The following HPGDS variants were observed in gnomAD, a reference collection of about 807,000 sequenced individuals.
HPGDS encodes the protein hematopoietic prostaglandin D synthase.
In HPGDS, 26 loss-of-function variants were observed where a neutral mutation model predicts 23.1. That is an observed-to-expected ratio of 1.13 (90% CI 0.83 to 1.56). The LOEUF is 1.56. HPGDS is among the 40% of genes most tolerant of loss of function. HPGDS has a pLI of 0.00. For missense variants in HPGDS, 268 were observed against 236.4 expected (o/e 1.13, Z -0.88); for synonymous variants, 95 against 77.9 (o/e 1.22, Z -1.16).
At chr4:94,320,606 GTTGT>G (rs1337144385) in intron 2 of HPGDS, among the ~76,000 whole-genome samples, 2 of 152,090 alleles carry the variant, frequency 1.3e-5, no homozygotes, top group African/African-American at 4.8e-5. Flanking sequence ...TTTTGATGGG[GTTGT>G]TTGATTTTTT....
At chr4:94,314,873 C>A (rs1382725887) in intron 3 of HPGDS, among the ~76,000 whole-genome samples, 1 of 152,212 alleles carries the variant, frequency 6.6e-6, no homozygotes, top group East Asian at 1.9e-4. Flanking sequence ...TGCCGCCTTG[C>A]AGTTTGATCT....
At chr4:94,311,451 C>T (rs989899626) in intron 3 of HPGDS, among the ~76,000 whole-genome samples, 3 of 151,202 alleles carry the variant, frequency 2.0e-5, no homozygotes, top group African/African-American at 7.4e-5. Flanking sequence ...TATTGATTTG[C>T]ATATGTTGAA....
chr4:94,320,198 T>A (rs187070683), intron 2 of HPGDS, among the ~76,000 whole-genome samples: 1 of 152,286 alleles, frequency 6.6e-6, no homozygotes, highest in East Asian at 1.9e-4. Flanking sequence ...TCTTTACTAT[T>A]GTTAATAGTG....
intron 2 of HPGDS, among the ~76,000 whole-genome samples, chr4:94,331,553 C>T (rs1228547125): frequency 6.6e-6 from 1 of 152,156 alleles, no homozygotes; most frequent in Non-Finnish European, 1.5e-5. Flanking sequence ...CATTAAGAAA[C>T]TCTCGATCGT....
intron 3 of HPGDS, among the ~76,000 whole-genome samples, chr4:94,310,782 T>A (rs1756251574): frequency 6.6e-6 from 1 of 152,224 alleles, no homozygotes; most frequent in Non-Finnish European, 1.5e-5. Context: ...GGAATGTTCT[T>A]CCATTTGTTT....
chr4:94,302,524 ATTTT>A (rs1273605650), intron 4 of HPGDS, among the ~76,000 whole-genome samples: 1 of 151,990 alleles, frequency 6.6e-6, no homozygotes, highest in Non-Finnish European at 1.5e-5. Context: ...ACAAAATCTT[ATTTT>A]TTCTTAAATT....
At chr4:94,323,597 T>G (rs1329499856) in intron 2 of HPGDS, among the ~76,000 whole-genome samples, 1 of 152,204 alleles carries the variant, frequency 6.6e-6, no homozygotes, top group Non-Finnish European at 1.5e-5. Flanking sequence ...CTCCTTTTTT[T>G]TTGTTTTCCA....
intron 3 of HPGDS, among the ~76,000 whole-genome samples, chr4:94,312,625 G>A (rs1158561728): frequency 2.6e-5 from 4 of 152,156 alleles, no homozygotes; most frequent in Admixed American, 1.3e-4. Context: ...GTTGATTTGG[G>A]GTGGAGAGTT....
chr4:94,317,877 G>GT lies in HPGDS; in HGVS notation c.221dup (p.Asn74LysfsTer16). On this transcript the variant is annotated frameshift_variant, in exon 3 of 6. Transcript: ENST00000295256. LOFTEE classifies it high-confidence loss of function. ...TAAGCACAATAAACATGTTACCTGTGTTTTTGGTCAAATATCTTGCTATTG... is the reference window on the plus strand; with the variant it reads ...TAAGCACAATAAACATGTTACCTGTGTTTTTTGGTCAAATATCTTGCTATTG... 8.8e-6 allele frequency: 14 copies of GT among 1,587,426 alleles called. No homozygotes were observed. Among genetic ancestry groups the GT allele is most frequent in the Non-Finnish European group, 1.2e-5 (14 of 1,157,074 alleles).
intron 1 of HPGDS, among the ~76,000 whole-genome samples, chr4:94,340,311 C>CTTTCTTTTTCTTTTTTT: frequency 8.4e-5 from 2 of 23,678 alleles, no homozygotes; most frequent in African/African-American, 2.9e-4. Flanking sequence ...CTTTCTTTCT[C>CTTTCTTTTTCTTTTTTT]TTTTTTTTTT....
chr4:94,321,336 C>G (rs926845382), intron 2 of HPGDS, among the ~76,000 whole-genome samples: 1 of 152,182 alleles, frequency 6.6e-6, no homozygotes, highest in Non-Finnish European at 1.5e-5. Context: ...GGCATTGAAT[C>G]TATAAATTAC....
chr4:94,325,911 C>A, intron 2 of HPGDS, among the ~76,000 whole-genome samples: 1 of 151,848 alleles, frequency 6.6e-6, no homozygotes, highest in East Asian at 1.9e-4. Flanking sequence ...ATTCAGCCAT[C>A]TTGGAAAAGA....
intron 3 of HPGDS, among the ~76,000 whole-genome samples, chr4:94,316,072 A>G (rs1020074842): frequency 6.6e-6 from 1 of 152,176 alleles, no homozygotes. Flanking sequence ...CTCAACTGTG[A>G]CTCAGCCCCA....
At chr4:94,325,258 C>G (rs983062350) in intron 2 of HPGDS, among the ~76,000 whole-genome samples, 3 of 152,222 alleles carry the variant, frequency 2.0e-5, no homozygotes, top group African/African-American at 7.2e-5. Context: ...TGAGGAGGCA[C>G]TCTGTCCATT....
At chr4:94,309,787 AC>A (rs1217886259) in intron 3 of HPGDS, among the ~76,000 whole-genome samples, 1 of 151,466 alleles carries the variant, frequency 6.6e-6, no homozygotes, top group East Asian at 1.9e-4. Context: ...CCTCTCCAGC[AC>A]CTGTTGTTTC....
chr4:94,302,200 A>G lies in HPGDS; in HGVS notation c.381T>C (p.Leu127=), dbSNP rs893719525. The change falls in exon 5 of 6, where the codon CTT becomes CTC. Residue 127 remains leucine, a synonymous_variant. Transcript: ENST00000295256. ...CTAAATATGTGTCCAAGTCTTGCAT[A>G]AGATGAGGCGCATTATACGTGAGCA... ...NELLTYNAPH[L]MQDLDTYLGG... 3.7e-6 allele frequency: 6 copies of G among 1,612,778 alleles called. No homozygotes were observed. The Admixed American group carries it at 1.0e-4, about 27-fold the overall frequency.
chr4:94,336,249 G>C (rs1273639527), intron 1 of HPGDS, among the ~76,000 whole-genome samples: 18 of 151,324 alleles, frequency 1.2e-4, no homozygotes, highest in Non-Finnish European at 2.7e-4. Context: ...CCACATAAAA[G>C]GTTAAACACG....
At chr4:94,316,346 C>G (rs1259231961) in intron 3 of HPGDS, among the ~76,000 whole-genome samples, 2 of 150,012 alleles carry the variant, frequency 1.3e-5, no homozygotes, top group African/African-American at 5.0e-5. Flanking sequence ...CACATGGCAA[C>G]GTCTATCTAC....
At chr4:94,305,731 G>T (rs796438793) in intron 4 of HPGDS, among the ~76,000 whole-genome samples, 2 of 151,928 alleles carry the variant, frequency 1.3e-5, no homozygotes, top group Non-Finnish European at 2.9e-5. Flanking sequence ...AACAATTTTG[G>T]GTAAGTTGTT....
Sources: allele counts gnomAD v4.1 joint callset (sites outside exome capture counted in the v4.1 genomes callset), GRCh38; gene constraint gnomAD v4.1.1; transcripts MANE v1.5; gene names NCBI Gene and HGNC (gene_info 2026-07-23, HGNC 2026-07-21).